The following DDB1 variants were observed in gnomAD, a reference collection of about 807,000 sequenced individuals.
DDB1 encodes the protein damage specific DNA binding protein 1.
A neutral mutation model predicts 133.1 loss-of-function variants in DDB1; 18 were observed. The ratio of observed to expected loss-of-function variants is 0.14; its 90% CI spans 0.09 to 0.20. The LOEUF (loss-of-function observed/expected upper bound fraction) is 0.20. DDB1 is among the 10% of genes least tolerant of loss of function. The pLI is 1.00. For synonymous variants in DDB1, 580 were observed against 550.5 expected (o/e 1.05, Z -0.75); for missense variants, 828 against 1,459.2 (o/e 0.57, Z 7.05).
chr11:61,300,204 C>T lies in DDB1; in HGVS notation c.3355G>A (p.Gly1119Ser), dbSNP rs1350648265. 3.7e-6 allele frequency: 6 copies of T among 1,614,028 alleles called. No homozygotes were observed. Among genetic ancestry groups the T allele is most frequent in the East Asian group, 2.2e-5 (1 of 44,890 alleles). The change falls in exon 27 of 27, where the codon GGT becomes AGT. Residue 1119 changes from glycine to serine, a missense_variant. Around this residue, in one of 7 missense-constraint regions of DDB1, gnomAD observed 116 missense variants for 221.6 expected, o/e 0.52. Coordinates refer to ENST00000301764, the MANE Select transcript of DDB1 (RefSeq NM_001923.5). ...TCTGCAGTGGCCTCTCGCTTCATAC[C>T]GCTGCCATCGTCATACTGCAATGAG... Reference protein sequence around the residue: ...VANLQYDDGSGMKREATADDL... With the variant: ...VANLQYDDGSSMKREATADDL...
At chr11:61,304,564 A>AC (rs1855854136) in intron 21 of DDB1, among the ~76,000 whole-genome samples, 1 of 151,764 alleles carries the variant, frequency 6.6e-6, no homozygotes, top group Non-Finnish European at 1.5e-5. Context: ...ACCCTCTACC[A>AC]CCCCGCAAGA....
At chr11:61,301,425 G>C (rs1262212297) in intron 25 of DDB1, 4 of 153,274 alleles carry the variant, frequency 2.6e-5, no homozygotes, top group African/African-American at 7.3e-5. Context: ...TTTTTAATTA[G>C]CCAGGTGAGC....
intron 4 of DDB1, among the ~76,000 whole-genome samples, chr11:61,328,601 G>A (rs1019668557): frequency 7.9e-5 from 12 of 152,152 alleles, no homozygotes; most frequent in African/African-American, 2.4e-4. Context: ...TGCCGAGCAC[G>A]GTGGCTCACG....
At chr11:61,323,387 C>T (rs1354799511) in intron 7 of DDB1, 1 of 373,036 alleles carries the variant, frequency 2.7e-6, no homozygotes, top group African/African-American at 2.1e-5. Context: ...AGCCTCCTCC[C>T]AGAACTGAAA....
Position 61,316,306 on chromosome 11 carries a change from C to A in DDB1, c.1389G>T (p.Val463=). The A allele has an allele frequency of 6.2e-7, 1 of 1,614,152 alleles. No individual in the cohort carries two copies. The highest frequency in any genetic ancestry group is 8.5e-7 in the Non-Finnish European group (1 of 1,180,026). The change falls in exon 12 of 27, where the codon GTG becomes GTT. Residue 463 remains valine, a synonymous_variant. Transcript: ENST00000301764. ...TCACCTGGATAAGCTGCTGATGAGC[C>A]ACGTTGCCACAGAAGAAAGTCTGCT... ...DDQQTFFCGN[V]AHQQLIQITS...
intron 4 of DDB1, among the ~76,000 whole-genome samples, chr11:61,328,419 T>C (rs1590700389): frequency 6.6e-6 from 1 of 152,328 alleles, no homozygotes; most frequent in East Asian, 1.9e-4. Context: ...AATGATCTTA[T>C]GCTGCATGGC....
chr11:61,325,887 G>T (rs1856261841), intron 5 of DDB1, 179 bp from the exon 6 acceptor site: 2 of 679,928 alleles, frequency 2.9e-6, no homozygotes, highest in South Asian at 3.1e-5. Flanking sequence ...TTTGTTAACT[G>T]GCCATTATCT....
At chr11:61,309,999 C>T (rs1855936859) in intron 19 of DDB1, 39 bp from the exon 20 acceptor site, 8 of 1,613,664 alleles carry the variant, frequency 5.0e-6, no homozygotes, top group Middle Eastern at 1.7e-4. Flanking sequence ...GACAGGTTAC[C>T]CATATCTGCA....
At chr11:61,331,994 A>G in intron 1 of DDB1, 1 of 274,140 alleles carries the variant, frequency 3.6e-6, no homozygotes, top group Admixed American at 4.6e-5. Context: ...CTCCAATTTT[A>G]CTCTATTACA....
At chr11:61,309,449 G>C (rs538876902) in intron 20 of DDB1, among the ~76,000 whole-genome samples, 26 of 152,148 alleles carry the variant, frequency 1.7e-4, no homozygotes, top group Non-Finnish European at 3.1e-4. Context: ...GTTGAAGCTG[G>C]AAAGAGCACC....
rs146385795 is a variant in DDB1, at chr11:61,322,338, G to A, written c.1080C>T (p.Val360=). 36 of 1,614,100 alleles carry A rather than the reference G, an allele frequency of 2.2e-5. No homozygotes were observed. The highest frequency in any genetic ancestry group is 1.5e-4 in the African/African-American group (11 of 75,000). The change falls in exon 9 of 27, where the codon GTC becomes GTT. Residue 360 remains valine, a synonymous_variant. Transcript: ENST00000301764. The part of the protein sequence containing the change: ...METFTNLGPI[V]DMCVVDLERQ... ...TCTCCAGGTCCACCACGCACATATC[G>A]ACAATGGGTCCTAAGTTGGTAAAGG...
At chr11:61,325,779 AG>A (rs781467048) in intron 5 of DDB1, 71 bp from the exon 6 acceptor site, 2 of 1,232,648 alleles carry the variant, frequency 1.6e-6, no homozygotes, top group African/African-American at 3.0e-5. Context: ...GCAAAAGTAC[AG>A]GTCTAGTTAG....
At chr11:61,330,510 T>C (rs1424932630) in intron 2 of DDB1, among the ~76,000 whole-genome samples, 1 of 152,184 alleles carries the variant, frequency 6.6e-6, no homozygotes, top group Non-Finnish European at 1.5e-5. Flanking sequence ...CTCCAAAAAA[T>C]TGCTGTTTTG....
At chr11:61,320,234 T>C (rs1012429351) in intron 10 of DDB1, among the ~76,000 whole-genome samples, 1 of 151,810 alleles carries the variant, frequency 6.6e-6, no homozygotes, top group East Asian at 1.9e-4. Flanking sequence ...GGAGTCTCAC[T>C]ATGTGGCCCA....
chr11:61,308,180 T>C (rs1169126583), intron 21 of DDB1, among the ~76,000 whole-genome samples: 1 of 152,178 alleles, frequency 6.6e-6, no homozygotes, highest in Non-Finnish European at 1.5e-5. Context: ...TGGCTGTCCC[T>C]TGGACTCATC....
rs1856210125 is a variant in DDB1, at chr11:61,323,061, T to C, written c.955A>G (p.Asn319Asp). 6.2e-7 allele frequency: 1 copy of C among 1,613,756 alleles called. No homozygotes were observed. Among genetic ancestry groups the C allele is most frequent in the African/African-American group, 1.3e-5 (1 of 74,808 alleles). Residue 319 changes from asparagine to aspartate, a missense_variant, in exon 8 of 27, where the codon AAT becomes GAT. By Grantham distance (23) the Asn-to-Asp change is conservative. Transcript: ENST00000301764. ...SIAECLTYLD[N>D]GVVFVGSRLG... is the part of the protein sequence containing the mutation. Reference sequence around the variant, plus strand: ...CGAGACCCGACAAACACAACACCATTATCAAGGTATGTCAAGCACTCAGCA... The same window carrying C: ...CGAGACCCGACAAACACAACACCATCATCAAGGTATGTCAAGCACTCAGCA...
chr11:61,330,121 G>GTTGTTCCTGTTTTA, intron 2 of DDB1, 47 bp from the exon 3 acceptor site: 1 of 1,492,016 alleles, frequency 6.7e-7, no homozygotes, highest in Non-Finnish European at 9.3e-7. Context: ...TTTAAAACAG[G>GTTGTTCCTGTTTTA]AACAACCTGT....
chr11:61,322,670 A>G (rs1856201649), intron 8 of DDB1: 1 of 548,872 alleles, frequency 1.8e-6, no homozygotes. Context: ...TTGAAAATTA[A>G]TGTAAAATGT....
At chr11:61,302,431 A>G in intron 24 of DDB1, 72 bp from the exon 25 acceptor site, 1 of 1,579,088 alleles carries the variant, frequency 6.3e-7, no homozygotes, top group South Asian at 1.1e-5. Context: ...CGTAAAGGGC[A>G]GCCCAGGTGA....
Sources: allele counts gnomAD v4.1 joint callset (sites outside exome capture counted in the v4.1 genomes callset), GRCh38; gene constraint gnomAD v4.1.1; regional missense constraint gnomAD v4.1.1; transcripts MANE v1.5; gene names NCBI Gene and HGNC (gene_info 2026-07-23, HGNC 2026-07-21).